The following CADPS2 variants were observed in gnomAD, a reference collection of about 807,000 sequenced individuals.
The protein encoded by CADPS2 is calcium dependent secretion activator 2, also known as calcium-dependent secretion activator 2.
A neutral mutation model predicts 172.5 loss-of-function variants in CADPS2; 93 were observed. That is an observed-to-expected ratio of 0.54 (90% CI 0.46 to 0.64). The LOEUF (loss-of-function observed/expected upper bound fraction) is 0.64. CADPS2 is among the 30% of genes least tolerant of loss of function. CADPS2 has a pLI of 0.00. For missense variants in CADPS2, 1,420 were observed against 1,565.9 expected, an observed-to-expected ratio of 0.91 and a Z score of 1.57; for synonymous variants, 546 against 555.2, an observed-to-expected ratio of 0.98 and a Z score of 0.23.
intron 9 of CADPS2, among the ~76,000 whole-genome samples, chr7:122,498,926 T>G (rs2058976587): frequency 6.6e-6 from 1 of 152,194 alleles, no homozygotes; most frequent in Non-Finnish European, 1.5e-5. Flanking sequence ...CAGTGTTATC[T>G]CTGGATATCC....
At chr7:122,605,301 A>G (rs1435236759) in intron 6 of CADPS2, among the ~76,000 whole-genome samples, 3 of 152,122 alleles carry the variant, frequency 2.0e-5, no homozygotes, top group Non-Finnish European at 2.9e-5. Context: ...ACACTGAACT[A>G]GTAAAAAAAT....
At chr7:122,616,601 T>C (rs2074953294) in intron 5 of CADPS2, among the ~76,000 whole-genome samples, 1 of 152,138 alleles carries the variant, frequency 6.6e-6, no homozygotes, top group African/African-American at 2.4e-5. Flanking sequence ...TTTGTCATTT[T>C]CTCACATGGA....
intron 1 of CADPS2, among the ~76,000 whole-genome samples, chr7:122,771,858 G>A (rs1383043625): frequency 1.3e-5 from 2 of 152,168 alleles, no homozygotes; most frequent in Admixed American, 6.5e-5. Flanking sequence ...GAAAAAGAGT[G>A]TCAACTGAAC....
At position 122,706,093 on chromosome 7, in the gene CADPS2, T is replaced by TATATATATGCTTATATATTCAAGGA. The variant is rs2087382698; in HGVS notation, c.453+30861_453+30862insTCCTTGAATATATAAGCATATATAT. Among the ~76,000 whole-genome samples, 4 of 37,438 alleles carry TATATATATGCTTATATATTCAAGGA rather than the reference T, an allele frequency of 1.1e-4. No homozygotes were observed. In the South Asian group the frequency reaches 2.7e-3, roughly 26 times the overall value. The allele number at this position is 37,438 out of a possible 152,430, so 24.6% of individuals were successfully genotyped here. A position where few individuals can be genotyped will look rare whatever the true frequency, so the allele number is the denominator to read the frequency against. ...TATATATGTTTATATATTCAAGGAA[T>TATATATATGCTTATATATTCAAGGA]ATATATATATGCTTATATATTCAAG... On this transcript the variant is annotated intron_variant, in intron 2 of 29. Transcript: ENST00000449022.
rs146967562 is a variant in CADPS2 at position 122,324,488 on chromosome 7, T to C, written c.3717+989A>G. Among the ~76,000 whole-genome samples the C allele has an allele frequency of 4.0e-3, 611 of 152,284 alleles. 5 individuals carry two copies. Among genetic ancestry groups the C allele is most frequent in the African/African-American group, 0.013 (555 of 41,586 alleles). On this transcript the variant is annotated intron_variant, in intron 29 of 29. Coordinates refer to ENST00000449022, the MANE Select transcript of CADPS2 (RefSeq NM_017954.11). ...ATCTATAGATTACTGGGTTCCACCC[T>C]CGGAATTTCTGATTCAGTAGGTCTG...
At chr7:122,512,817 A>G (rs540642598) in intron 9 of CADPS2, among the ~76,000 whole-genome samples, 34 of 152,126 alleles carry the variant, frequency 2.2e-4, no homozygotes, top group Non-Finnish European at 4.1e-4. Context: ...GAGATCTCCA[A>G]TATCTTTTCA....
chr7:122,515,818 T>A lies in CADPS2; in HGVS notation c.1476-2503A>T, dbSNP rs1335954296. Reference sequence around the variant, plus strand: ...TGTACCCTAAAACTTAAAAGTATAATAAAAAAATTAATTAAAAAATAATAA... The same window carrying A: ...TGTACCCTAAAACTTAAAAGTATAAAAAAAAAATTAATTAAAAAATAATAA... On this transcript the variant is annotated intron_variant, in intron 8 of 29. Coordinates refer to ENST00000449022, the MANE Select transcript of CADPS2 (RefSeq NM_017954.11). Among the ~76,000 whole-genome samples the A allele has an allele frequency of 1.2e-4, 17 of 143,162 alleles. No individual in the cohort carries two copies. The East Asian group carries it at 3.6e-3, about 30-fold the overall frequency. The allele number at this position is 143,162 out of a possible 152,430, so 93.9% of individuals were successfully genotyped here.
At chr7:122,440,048 A>T (rs1247007650) in intron 16 of CADPS2, 1 of 152,316 alleles carries the variant, frequency 6.6e-6, no homozygotes, top group South Asian at 2.1e-4. Flanking sequence ...CTTCCGAGGT[A>T]TCATAGGTTT....
At chr7:122,702,355 A>ATAG (rs759538623) in intron 2 of CADPS2, 5 of 1,613,616 alleles carry the variant, frequency 3.1e-6, no homozygotes, top group Non-Finnish European at 4.2e-6. Context: ...CCGTACCTTG[A>ATAG]TAGTTGTAGA....
At position 122,646,457 on chromosome 7, in the gene CADPS2, CA is replaced by C. The variant is rs1422318553; in HGVS notation, c.786+16779del. ...CCAGTATAACAAAAGTGAACAGACA[CA>C]GGGGCAGGAAGGCTTTCTGAAGGAG... On this transcript the variant is annotated intron_variant, in intron 3 of 29. Transcript: ENST00000449022. Among the ~76,000 whole-genome samples, 55 of 152,036 alleles carry C rather than the reference CA, an allele frequency of 3.6e-4. 1 individual carries two copies. Among genetic ancestry groups the C allele is most frequent in the African/African-American group, 1.2e-3 (51 of 41,440 alleles).
intron 1 of CADPS2, among the ~76,000 whole-genome samples, chr7:122,862,017 C>T (rs1485134600): frequency 6.6e-6 from 1 of 152,190 alleles, no homozygotes. Flanking sequence ...ATTTCTCACA[C>T]ACTATTTCCT....
chr7:122,653,623 T>C (rs532182666), intron 3 of CADPS2, among the ~76,000 whole-genome samples: 21 of 152,316 alleles, frequency 1.4e-4, no homozygotes, highest in Non-Finnish European at 2.5e-4. Context: ...ACATTGAAGG[T>C]CTGTGGCAAT....
chr7:122,800,099 A>T (rs1482632659), intron 1 of CADPS2, among the ~76,000 whole-genome samples: 3 of 152,238 alleles, frequency 2.0e-5, no homozygotes, highest in Admixed American at 2.0e-4. Flanking sequence ...TACATAAAAG[A>T]TATTATTTTA....
rs181276896 is a variant in CADPS2, at chr7:122,494,199, T to C, written c.1543-2779A>G. Among the ~76,000 whole-genome samples, 161 of 152,296 alleles carry C rather than the reference T, an allele frequency of 1.1e-3. 1 individual carries two copies. Among genetic ancestry groups the C allele is most frequent in the African/African-American group, 3.7e-3 (154 of 41,574 alleles). ...CTTCTGCTGAGGCAGCACCAGCTTC[T>C]GCAGGAGTTCCAGCCTGCTGGCCTT... On this transcript the variant is annotated intron_variant, in intron 9 of 29. Coordinates refer to ENST00000449022, the MANE Select transcript of CADPS2 (RefSeq NM_017954.11).
Position 122,715,858 on chromosome 7 carries a change from T to C in CADPS2, c.453+21097A>G, listed in dbSNP as rs575385612. Among the ~76,000 whole-genome samples the C allele has an allele frequency of 5.5e-4, 83 of 152,210 alleles. No homozygotes were observed. In the Middle Eastern group the frequency reaches 0.024, roughly 44 times the overall value. ...ACTAGCAGAAACAATAATGACATGATTTTGCTCCTCTAGATTTTACTAAGA... is the reference window on the plus strand; with the variant it reads ...ACTAGCAGAAACAATAATGACATGACTTTGCTCCTCTAGATTTTACTAAGA... On this transcript the variant is annotated intron_variant, in intron 2 of 29. Coordinates refer to ENST00000449022, the MANE Select transcript of CADPS2 (RefSeq NM_017954.11).
intron 7 of CADPS2, among the ~76,000 whole-genome samples, chr7:122,575,169 T>C (rs1266413554): frequency 6.9e-6 from 1 of 145,232 alleles, no homozygotes; most frequent in Non-Finnish European, 1.5e-5. Context: ...AATGTCATTA[T>C]AATAAAAGTA....
At chr7:122,345,542 T>G in intron 28 of CADPS2, 32 bp downstream of exon 28, 1 of 1,248,066 alleles carries the variant, frequency 8.0e-7, no homozygotes, top group Non-Finnish European at 1.2e-6. Context: ...TTATCTATGG[T>G]GTCAGCATAC....
intron 7 of CADPS2, among the ~76,000 whole-genome samples, chr7:122,569,116 G>A (rs1019481221): frequency 6.6e-6 from 1 of 152,080 alleles, no homozygotes; most frequent in Non-Finnish European, 1.5e-5. Flanking sequence ...CGACATGATT[G>A]TATATCTAGA....
chr7:122,533,298 C>T (rs529350254), intron 8 of CADPS2, among the ~76,000 whole-genome samples: 11 of 152,042 alleles, frequency 7.2e-5, no homozygotes, highest in East Asian at 3.9e-4. Context: ...GGCTTGATAA[C>T]GACAAATCTC....
Sources: allele counts gnomAD v4.1 joint callset (sites outside exome capture counted in the v4.1 genomes callset), GRCh38; gene constraint gnomAD v4.1.1; transcripts MANE v1.5; gene names NCBI Gene and HGNC (gene_info 2026-07-23, HGNC 2026-07-21).